Variants in ZNF705G observed in about 807,000 individuals in gnomAD.
The protein encoded by ZNF705G is putative zinc finger protein 705G.
Under a neutral mutation model 19.6 loss-of-function variants are expected in ZNF705G, and 23 were observed. The observed-to-expected ratio is 1.17, with a 90% CI of 0.84 to 1.66. The LOEUF is 1.66. Among genes scored for constraint, ZNF705G ranks in the 40% most tolerant of loss-of-function variants. The pLI is 0.00. For missense variants in ZNF705G, 457 were observed against 354.4 expected (o/e 1.29, Z -2.32); for synonymous variants, 146 against 117.7 (o/e 1.24, Z -1.56).
In ZNF705G at chr8:7,359,669, T is replaced by G; in HGVS notation, c.268A>C (p.Ile90Leu). ...TTTCTGGTGATAGGATGCATGGATA[T>G]CATGTGTGTTTTCTTAAGGGCACTT... The part of the protein sequence containing the change: ...RESALKKTHM[I>L]SMHPITRKDA... The change falls in exon 6 of 7, where the codon ATA becomes CTA. Residue 90 changes from isoleucine to leucine, a missense_variant. By Grantham distance (5) the Ile-to-Leu change is conservative. Transcript: ENST00000400156. 1.2e-6 allele frequency: 2 copies of G among 1,606,934 alleles called. No homozygotes were observed. The highest frequency in any genetic ancestry group is 1.7e-6 in the Non-Finnish European group (2 of 1,179,300).
At chr8:7,382,952 T>G (rs1288081506) in intron 1 of ZNF705G, among the ~76,000 whole-genome samples, 1 of 147,564 alleles carries the variant, frequency 6.8e-6, no homozygotes. Context: ...GCCTTCTGAG[T>G]CTCTAAAATC....
At position 7,361,114 on chromosome 8, in the gene ZNF705G, G is replaced by A. The variant is rs750387280; in HGVS notation, c.135C>T (p.Ser45=). 7.5e-6 allele frequency: 12 copies of A among 1,592,550 alleles called. No individual in the cohort carries two copies. The highest frequency in any genetic ancestry group is 1.0e-5 in the Non-Finnish European group (12 of 1,179,410). ...VMLENISHLV[S]LGYQISKSYI... ...CATGAATGTTCAGGGACTCACCGAG[G>A]GACACCAGGTGACTGATATTTTCCA... The change falls in exon 4 of 7, where the codon TCC becomes TCT. Residue 45 remains serine (S), a synonymous_variant. Coordinates refer to ENST00000400156, the MANE Select transcript of ZNF705G (RefSeq NM_001164457.3).
At chr8:7,363,608 G>T (rs1446477202) in intron 2 of ZNF705G, among the ~76,000 whole-genome samples, 2 of 149,546 alleles carry the variant, frequency 1.3e-5, no homozygotes, top group Non-Finnish European at 2.9e-5. Context: ...ATCACCTGAG[G>T]TCAAGTGTTC....
rs1253207231 is a variant in ZNF705G at position 7,362,072 on chromosome 8, C to G, written c.13-836G>C. Among the ~76,000 whole-genome samples the G allele has an allele frequency of 9.4e-5, 14 of 149,552 alleles. 1 individual carries two copies. The highest frequency in any genetic ancestry group is 1.9e-4 in the Non-Finnish European group (13 of 68,014). ...ATCCAAACATCAGTTATCATCGTTT[C>G]TCTTTTAAATTTACCTTCTCACTAC... On this transcript the variant is annotated intron_variant, in intron 3 of 6. Coordinates refer to ENST00000400156, the MANE Select transcript of ZNF705G (RefSeq NM_001164457.3).
chr8:7,384,285 T>C (rs1807633730), intron 1 of ZNF705G, among the ~76,000 whole-genome samples: 1 of 144,284 alleles, frequency 6.9e-6, no homozygotes, highest in South Asian at 2.1e-4. Context: ...CCTCCTACTG[T>C]TTGTCTCAGG....
At chr8:7,359,134 C>T (rs1806443079) in intron 6 of ZNF705G, among the ~76,000 whole-genome samples, 1 of 149,674 alleles carries the variant, frequency 6.7e-6, no homozygotes, top group Non-Finnish European at 1.5e-5. Flanking sequence ...GTGTACTTCT[C>T]AATATCCCAC....
chr8:7,357,972 C>A lies in ZNF705G; in HGVS notation c.*4G>T. ...GGCTTTTCTCCAGTGCGTGTTCTCT[C>A]ATGTCATCTAAGGTTGGAAGACAGA... is the stretch of plus-strand genomic sequence containing the variant. On this transcript the variant is annotated 3_prime_UTR_variant, in exon 7 of 7. Coordinates refer to ENST00000400156, the MANE Select transcript of ZNF705G (RefSeq NM_001164457.3). 1.9e-6 allele frequency: 3 copies of A among 1,609,292 alleles called. No individual in the cohort carries two copies.
chr8:7,367,251 C>T (rs545991536), intron 2 of ZNF705G, among the ~76,000 whole-genome samples: 1 of 149,350 alleles, frequency 6.7e-6, no homozygotes, highest in Non-Finnish European at 1.5e-5. Flanking sequence ...GGAGAGGGCT[C>T]TTCCCCTACC....
intron 3 of ZNF705G, among the ~76,000 whole-genome samples, chr8:7,361,772 A>G (rs1399771634): frequency 1.3e-5 from 2 of 148,438 alleles, no homozygotes; most frequent in East Asian, 1.9e-4. Context: ...GCAAATATTT[A>G]TTAAATATAA....
At chr8:7,378,825 C>G (rs1807356571) in intron 2 of ZNF705G, among the ~76,000 whole-genome samples, 6 of 146,804 alleles carry the variant, frequency 4.1e-5, no homozygotes, top group Admixed American at 4.0e-4. Context: ...ATTTTAAGGT[C>G]AGGTGATTAA....
At chr8:7,381,656 T>C (rs565566480) in intron 1 of ZNF705G, 55 bp from the exon 2 acceptor site, 28 of 148,226 alleles carry the variant, frequency 1.9e-4, no homozygotes, top group Admixed American at 1.8e-3. Flanking sequence ...GAAAACCAAA[T>C]ATTGCACATT....
intron 2 of ZNF705G, among the ~76,000 whole-genome samples, chr8:7,370,537 G>A (rs564026139): frequency 6.8e-6 from 1 of 147,980 alleles, no homozygotes; most frequent in East Asian, 1.9e-4. Flanking sequence ...CAGTATGAAG[G>A]TTTCTCAAAA....
chr8:7,381,969 C>A (rs1425553374), intron 1 of ZNF705G, among the ~76,000 whole-genome samples: 1 of 152,190 alleles, frequency 6.6e-6, no homozygotes, highest in Non-Finnish European at 1.5e-5. Flanking sequence ...ATACTTAAAT[C>A]CAGAAGCAGC....
At position 7,358,357 on chromosome 8, in the gene ZNF705G, A is replaced by G. The variant is rs771354716; in HGVS notation, c.522T>C (p.Cys174=). The part of the protein sequence containing the change: ...QIHTKGKSYQ[C]NLCEKAYTNC... ...TAGTATAGGCCTTTTCACATAGATT[A>G]CACTGATATGATTTACCTTTAGTAT... Residue 174 remains cysteine (C), a synonymous_variant, in exon 7 of 7, where the codon TGT becomes TGC. Transcript: ENST00000400156. 6.2e-6 allele frequency: 10 copies of G among 1,607,476 alleles called. No individual in the cohort carries two copies. Among genetic ancestry groups the G allele is most frequent in the Non-Finnish European group, 7.6e-6 (9 of 1,179,618 alleles).
chr8:7,375,327 G>C (rs1167281154), intron 2 of ZNF705G, among the ~76,000 whole-genome samples: 1 of 93,984 alleles, frequency 1.1e-5, no homozygotes, highest in Non-Finnish European at 2.1e-5. Flanking sequence ...AAGTCCTCCA[G>C]CTGCACCCAT....
At chr8:7,366,514 G>A in intron 2 of ZNF705G, among the ~76,000 whole-genome samples, 1 of 149,516 alleles carries the variant, frequency 6.7e-6, no homozygotes, top group Non-Finnish European at 1.5e-5. Flanking sequence ...TCTAACATCT[G>A]AAAATCAAGG....
chr8:7,370,547 A>T (rs1807058026), intron 2 of ZNF705G, among the ~76,000 whole-genome samples: 3 of 147,388 alleles, frequency 2.0e-5, no homozygotes, highest in Admixed American at 2.0e-4. Context: ...GTTTCTCAAA[A>T]ATTTTTTAAA....
At position 7,360,366 on chromosome 8, in the gene ZNF705G, C is replaced by G. The variant is rs775340185; in HGVS notation, c.140-34G>C. On this transcript the variant is annotated intron_variant, in intron 4 of 6. Transcript: ENST00000400156. The stretch of plus-strand genomic sequence containing the variant: ...GGAAAGAATACATGTGTTTTGAGTT[C>G]ACTGTCAATAAATGTGCATTATCAC... 68 of 1,586,308 alleles carry G rather than the reference C, an allele frequency of 4.3e-5. 1 individual carries two copies. Among genetic ancestry groups the G allele is most frequent in the Non-Finnish European group, 5.5e-5 (65 of 1,176,588 alleles).
rs576671783 is a variant in ZNF705G at position 7,363,433 on chromosome 8, C to T, written c.-71-416G>A. ...ATGCCCTAGCAACGTTTCTCCAACA[C>T]CCACCACAGCCTTCTGAAGCCTTAC... On this transcript the variant is annotated intron_variant, in intron 2 of 6. Coordinates refer to ENST00000400156, the MANE Select transcript of ZNF705G (RefSeq NM_001164457.3). Among the ~76,000 whole-genome samples, 47 of 148,910 alleles carry T rather than the reference C, an allele frequency of 3.2e-4. 2 individuals are homozygous for T. Among genetic ancestry groups the T allele is most frequent in the Admixed American group, 2.1e-3 (32 of 15,222 alleles).
Sources: gnomAD v4.1 joint callset for allele counts (sites outside exome capture counted in the v4.1 genomes callset) on GRCh38, gnomAD v4.1.1 for gene constraint, MANE v1.5 for transcripts, NCBI Gene and HGNC (gene_info 2026-07-23, HGNC 2026-07-21) for gene names.